Variants in CMTM8 observed in about 807,000 individuals in gnomAD.
CMTM8 encodes the protein CKLF like MARVEL transmembrane domain containing 8.
A neutral mutation model predicts 18.6 loss-of-function variants in CMTM8; 12 were observed. That is an observed-to-expected ratio of 0.65 (90% CI 0.41 to 1.05). CMTM8 has a LOEUF of 1.05. Ranked by LOEUF, CMTM8 falls within the 50% of genes least tolerant of loss-of-function variation. The probability of loss-of-function intolerance (pLI) is 0.00; values close to 1 mark genes in which losing one functional copy is unlikely to be tolerated. For missense variants in CMTM8, 217 were observed against 227.2 expected, an observed-to-expected ratio of 0.95 and a Z score of 0.29; for synonymous variants, 87 against 90.6, an observed-to-expected ratio of 0.96 and a Z score of 0.23.
At chr3:32,287,479 A>G (rs1261171548) in intron 1 of CMTM8, among the ~76,000 whole-genome samples, 1 of 152,122 alleles carries the variant, frequency 6.6e-6, no homozygotes, top group East Asian at 1.9e-4. Context: ...ACTATTACTA[A>G]CTGATTTATT....
chr3:32,346,846 G>A (rs1218400140), intron 1 of CMTM8, among the ~76,000 whole-genome samples: 3 of 149,928 alleles, frequency 2.0e-5, no homozygotes, highest in South Asian at 2.1e-4. Context: ...TTTGAGACAG[G>A]GTCTCACTCT....
intron 1 of CMTM8, among the ~76,000 whole-genome samples, chr3:32,339,420 G>C (rs561078965): frequency 6.6e-6 from 1 of 152,214 alleles, no homozygotes; most frequent in Non-Finnish European, 1.5e-5. Context: ...AGAGAGGACC[G>C]GAAGGAGATG....
rs200490843 is a variant in CMTM8 at position 32,239,064 on chromosome 3, C to G, written c.92C>G (p.Ala31Gly). Reference sequence around the variant, plus strand: ...TTCTCCACCAGCAGCAGCAGCTTCGCCTACGACCGGGAGTTCCTCCGCACC... The same window carrying G: ...TTCTCCACCAGCAGCAGCAGCTTCGGCTACGACCGGGAGTTCCTCCGCACC... ...ENFSTSSSSFAYDREFLRTLP... is the reference protein window; with the variant it reads ...ENFSTSSSSFGYDREFLRTLP... The change falls in exon 1 of 4, where the codon GCC becomes GGC. Residue 31 changes from alanine to glycine, a missense_variant. Physicochemically the swap from Ala to Gly is moderately conservative, Grantham distance 60. Coordinates refer to ENST00000307526, the MANE Select transcript of CMTM8 (RefSeq NM_178868.5). The G allele has an allele frequency of 5.0e-6, 8 of 1,598,374 alleles. No homozygotes were observed. The highest frequency in any genetic ancestry group is 3.4e-5 in the Admixed American group (2 of 58,368).
chr3:32,289,329 G>A (rs973398637), intron 1 of CMTM8, among the ~76,000 whole-genome samples: 38 of 152,164 alleles, frequency 2.5e-4, no homozygotes, highest in African/African-American at 9.2e-4. Context: ...ACTGTCTTTT[G>A]GGCCTCAAGT....
intron 1 of CMTM8, among the ~76,000 whole-genome samples, chr3:32,329,296 C>G (rs890659864): frequency 2.6e-5 from 4 of 152,138 alleles, no homozygotes; most frequent in Non-Finnish European, 5.9e-5. Flanking sequence ...GAACTCCTGA[C>G]CTCAAGTGAT....
At chr3:32,324,290 T>C (rs578177919) in intron 1 of CMTM8, among the ~76,000 whole-genome samples, 17 of 152,300 alleles carry the variant, frequency 1.1e-4, no homozygotes, top group Admixed American at 6.5e-4. Context: ...TTTTCCAGTC[T>C]GGTAGCTGAA....
At chr3:32,271,933 G>T (rs1195291738) in intron 1 of CMTM8, among the ~76,000 whole-genome samples, 1 of 152,068 alleles carries the variant, frequency 6.6e-6, no homozygotes. Context: ...TACAAATTAG[G>T]CATTCTAGTT....
Position 32,238,979 on chromosome 3 carries a change from G to A in CMTM8, c.7G>A (p.Glu3Lys), listed in dbSNP as rs767053824. 1 of 1,548,900 alleles carries A rather than the reference G, an allele frequency of 6.5e-7. No homozygotes were observed. Among genetic ancestry groups the A allele is most frequent in the South Asian group, 1.2e-5 (1 of 83,706 alleles). MEEPQRARSHTVT... is the reference protein window; with the variant it reads MEKPQRARSHTVT... ...GCCCGGCAGTGGCTCGACGATGGAG[G>A]AGCCGCAGCGCGCCCGCTCGCACAC... The change falls in exon 1 of 4, where the codon GAG becomes AAG. Residue 3 changes from glutamate (E) to lysine (K), a missense_variant. Coordinates refer to ENST00000307526, the MANE Select transcript of CMTM8 (RefSeq NM_178868.5).
Position 32,259,030 on chromosome 3 carries a change from C to T in CMTM8, c.147+19911C>T, listed in dbSNP as rs142688320. The T allele has an allele frequency of 3.3e-4, 116 of 349,920 alleles. No individual in the cohort carries two copies. In the East Asian group the frequency reaches 7.5e-3, roughly 23 times the overall value. 21.7% of individuals were successfully genotyped at this position (349,920 alleles called of 1,614,324 possible). A position where few individuals can be genotyped will look rare whatever the true frequency, so the allele number is the denominator to read the frequency against. ...CAGCTACTGGCATCCAGCCAGTCAG[C>T]AGTGCAGCAAGCATCTATGCAGGCG... On this transcript the variant is annotated intron_variant, in intron 1 of 3. Coordinates refer to ENST00000307526, the MANE Select transcript of CMTM8 (RefSeq NM_178868.5).
chr3:32,288,648 C>T (rs1217282580), intron 1 of CMTM8, among the ~76,000 whole-genome samples: 1 of 152,096 alleles, frequency 6.6e-6, no homozygotes. Flanking sequence ...CTACAGGCGC[C>T]CACCACCACG....
intron 2 of CMTM8, among the ~76,000 whole-genome samples, chr3:32,361,058 T>C (rs1343437115): frequency 6.6e-6 from 1 of 152,248 alleles, no homozygotes. Flanking sequence ...CTCAGCTCAC[T>C]GCAACTTCCA....
chr3:32,354,023 T>C (rs996990032), intron 1 of CMTM8, among the ~76,000 whole-genome samples: 1 of 152,066 alleles, frequency 6.6e-6, no homozygotes, highest in African/African-American at 2.4e-5. Context: ...GACCTCATGA[T>C]CCGCCCACCT....
At chr3:32,347,787 C>T (rs2125593124) in intron 1 of CMTM8, among the ~76,000 whole-genome samples, 1 of 152,256 alleles carries the variant, frequency 6.6e-6, no homozygotes, top group Admixed American at 6.5e-5. Context: ...TTCTTGCTTT[C>T]CTCCCACATT....
chr3:32,271,156 C>T (rs965967988), intron 1 of CMTM8, among the ~76,000 whole-genome samples: 3 of 152,130 alleles, frequency 2.0e-5, no homozygotes, highest in Non-Finnish European at 2.9e-5. Context: ...GACAGAGTTT[C>T]GCTCTTGTTG....
At chr3:32,306,946 C>A (rs529181517) in intron 1 of CMTM8, among the ~76,000 whole-genome samples, 1 of 152,286 alleles carries the variant, frequency 6.6e-6, no homozygotes, top group African/African-American at 2.4e-5. Context: ...CAGTGTCTCA[C>A]GCCTGTAATC....
In CMTM8 at chr3:32,260,978, T is replaced by C. The variant is rs184747682; in HGVS notation, c.147+21859T>C. On this transcript the variant is annotated intron_variant, in intron 1 of 3. Transcript: ENST00000307526. The stretch of plus-strand genomic sequence containing the variant: ...GGCTCATGCCTGTAACCCCAGCACT[T>C]TGGGAGGCCAAAGTCAGAGGATTGC... Among the ~76,000 whole-genome samples the C allele has an allele frequency of 2.3e-3, 345 of 152,124 alleles. 2 individuals carry two copies. The highest frequency in any genetic ancestry group is 3.8e-3 in the Non-Finnish European group (255 of 67,986).
At chr3:32,246,659 A>T (rs1702019867) in intron 1 of CMTM8, among the ~76,000 whole-genome samples, 1 of 152,238 alleles carries the variant, frequency 6.6e-6, no homozygotes, top group African/African-American at 2.4e-5. Context: ...TTCCATAAAT[A>T]TCCAGGCTCC....
chr3:32,349,482 A>G (rs1696662526), intron 1 of CMTM8, among the ~76,000 whole-genome samples: 1 of 152,152 alleles, frequency 6.6e-6, no homozygotes, highest in Admixed American at 6.5e-5. Flanking sequence ...CAGACCTTCA[A>G]CTGTGCGCCT....
intron 1 of CMTM8, among the ~76,000 whole-genome samples, chr3:32,346,919 C>G (rs1696606014): frequency 6.6e-6 from 1 of 151,596 alleles, no homozygotes; most frequent in African/African-American, 2.4e-5. Flanking sequence ...CTCCTGGGCT[C>G]AAGCAACCCT....
Sources: allele counts gnomAD v4.1 joint callset (sites outside exome capture counted in the v4.1 genomes callset), GRCh38; gene constraint gnomAD v4.1.1; transcripts MANE v1.5; gene names NCBI Gene and HGNC (gene_info 2026-07-23, HGNC 2026-07-21).